The following UST variants were observed in gnomAD, a reference collection of about 807,000 sequenced individuals.
The protein encoded by UST is uronyl 2-sulfotransferase.
Under a neutral mutation model 45.6 loss-of-function variants are expected in UST, and 21 were observed. That is an observed-to-expected ratio of 0.46 (90% CI 0.33 to 0.66). The LOEUF (loss-of-function observed/expected upper bound fraction) is 0.66. Ranked by LOEUF, UST falls within the 30% of genes least tolerant of loss-of-function variation. The pLI is 0.02. For synonymous variants in UST, 215 were observed against 200.6 expected (o/e 1.07, Z -0.61); for missense variants, 463 against 512.4 (o/e 0.90, Z 0.93).
chr6:148,820,479 A>G (rs921972815), intron 1 of UST, among the ~76,000 whole-genome samples: 1 of 152,160 alleles, frequency 6.6e-6, no homozygotes, highest in African/African-American at 2.4e-5. Flanking sequence ...TTACCTAACC[A>G]CAGAACAACC....
intron 5 of UST, among the ~76,000 whole-genome samples, chr6:149,012,804 TA>T (rs763495869): frequency 0.11 from 11,209 of 104,060 alleles, 1,425 homozygotes; most frequent in African/African-American, 0.32. Context: ...AGTCACTATT[TA>T]AAAAAAAAAA....
intron 1 of UST, among the ~76,000 whole-genome samples, chr6:148,824,813 A>G (rs558612624): frequency 1.7e-4 from 23 of 139,228 alleles, no homozygotes; most frequent in Admixed American, 1.2e-3. Context: ...ATATCTCCCA[A>G]TGCTATCCCT....
intron 1 of UST, among the ~76,000 whole-genome samples, chr6:148,868,044 G>A (rs1371147020): frequency 6.6e-6 from 1 of 152,136 alleles, no homozygotes; most frequent in Non-Finnish European, 1.5e-5. Context: ...CTGATGAGCA[G>A]TCCTGGCATC....
At chr6:148,956,340 A>G (rs1780501893) in intron 4 of UST, among the ~76,000 whole-genome samples, 1 of 151,742 alleles carries the variant, frequency 6.6e-6, no homozygotes, top group Non-Finnish European at 1.5e-5. Flanking sequence ...CCTCAGAATC[A>G]TGGCAGGAGT....
intron 1 of UST, among the ~76,000 whole-genome samples, chr6:148,832,560 G>A (rs946600064): frequency 3.9e-5 from 6 of 152,206 alleles, no homozygotes; most frequent in East Asian, 1.9e-4. Context: ...CATGTGCCGC[G>A]TTAGGTTGGG....
intron 1 of UST, among the ~76,000 whole-genome samples, chr6:148,786,805 A>G (rs1776742999): frequency 6.6e-6 from 1 of 152,140 alleles, no homozygotes; most frequent in African/African-American, 2.4e-5. Context: ...GTCGTTGAGG[A>G]GTCACCACAC....
chr6:148,972,477 G>A (rs1258152330), intron 5 of UST, among the ~76,000 whole-genome samples: 5 of 152,238 alleles, frequency 3.3e-5, no homozygotes, highest in Admixed American at 1.3e-4. Context: ...AGGAGCTTGG[G>A]TACAGTAAAG....
chr6:148,892,059 C>T (rs1034774342), intron 2 of UST, among the ~76,000 whole-genome samples: 6 of 152,180 alleles, frequency 3.9e-5, no homozygotes, highest in South Asian at 2.1e-4. Flanking sequence ...TCCTCTTGAA[C>T]GACTGACTGT....
rs959183916 is a variant in UST, at chr6:148,896,415, G to A, written c.291+9386G>A. On this transcript the variant is annotated intron_variant, in intron 2 of 7. Coordinates refer to ENST00000367463, the MANE Select transcript of UST (RefSeq NM_005715.3). ...GCCGCCCTGCCTAGCATGCTTCCAT[G>A]TGGCCACAGCTCCTGAAGCCATTGC... Among the ~76,000 whole-genome samples, 6 of 152,298 alleles carry A rather than the reference G, an allele frequency of 3.9e-5. No individual in the cohort carries two copies. In the South Asian group the frequency reaches 8.3e-4, roughly 21 times the overall value.
At chr6:148,847,359 C>T (rs950482614) in intron 1 of UST, among the ~76,000 whole-genome samples, 7 of 152,224 alleles carry the variant, frequency 4.6e-5, no homozygotes, top group African/African-American at 1.7e-4. Context: ...GGATTCAGGT[C>T]AACGTGGGCT....
chr6:148,849,807 A>T (rs181746069), intron 1 of UST, among the ~76,000 whole-genome samples: 50 of 152,344 alleles, frequency 3.3e-4, no homozygotes, highest in African/African-American at 1.1e-3. Context: ...GGATTATTAC[A>T]ATTCAAAGTG....
At chr6:148,936,882 A>C (rs970972867) in intron 2 of UST, among the ~76,000 whole-genome samples, 2 of 151,888 alleles carry the variant, frequency 1.3e-5, no homozygotes, top group Non-Finnish European at 2.9e-5. Flanking sequence ...TTTAGTAGAG[A>C]CAGTGTTTCA....
At chr6:148,877,027 G>T (rs1225655713) in intron 1 of UST, among the ~76,000 whole-genome samples, 5 of 53,828 alleles carry the variant, frequency 9.3e-5, no homozygotes, top group African/African-American at 5.0e-4. Context: ...ATGTATGAGT[G>T]CGGGGATCAT....
intron 7 of UST, among the ~76,000 whole-genome samples, chr6:149,043,560 G>C (rs565865051): frequency 6.6e-6 from 1 of 152,362 alleles, no homozygotes; most frequent in South Asian, 2.1e-4. Context: ...CCTTTTCTGA[G>C]GGCTGGCCCT....
intron 1 of UST, among the ~76,000 whole-genome samples, chr6:148,824,495 T>G (rs993310414): frequency 1.6e-4 from 25 of 152,078 alleles, no homozygotes; most frequent in Non-Finnish European, 7.4e-5. Context: ...GCTTTGGAGA[T>G]CCACCTCTGG....
At chr6:148,882,445 C>T (rs896799110) in intron 1 of UST, among the ~76,000 whole-genome samples, 5 of 138,828 alleles carry the variant, frequency 3.6e-5, no homozygotes, top group Admixed American at 1.6e-4. Context: ...GAGATTGCGC[C>T]GTTGCACTCC....
chr6:148,919,435 T>TGC (rs200635032), intron 2 of UST, among the ~76,000 whole-genome samples: 3,275 of 151,492 alleles, frequency 0.022, 112 homozygotes, highest in African/African-American at 0.076. Context: ...TGTGTGTGTG[T>TGC]GTGTGTGTGT....
intron 5 of UST, among the ~76,000 whole-genome samples, chr6:149,003,019 GTAAT>G (rs1280712078): frequency 6.6e-6 from 1 of 152,172 alleles, no homozygotes; most frequent in Admixed American, 6.5e-5. Context: ...AATTCATAAT[GTAAT>G]TAAAGAATCT....
At chr6:149,035,019 T>C (rs1277986543) in intron 7 of UST, among the ~76,000 whole-genome samples, 1 of 152,172 alleles carries the variant, frequency 6.6e-6, no homozygotes, top group Non-Finnish European at 1.5e-5. Context: ...ATTCTTAACA[T>C]TTTGTTTCTT....
Sources: gnomAD v4.1 joint callset for allele counts (sites outside exome capture counted in the v4.1 genomes callset) on GRCh38, gnomAD v4.1.1 for gene constraint, MANE v1.5 for transcripts, NCBI Gene and HGNC (gene_info 2026-07-23, HGNC 2026-07-21) for gene names.